CSF1R: variants seen among roughly 807,000 people sequenced by gnomAD.
CSF1R encodes colony stimulating factor 1 receptor, also known as macrophage colony-stimulating factor 1 receptor.
A neutral mutation model predicts 110.0 loss-of-function variants in CSF1R; 40 were observed. The ratio of observed to expected loss-of-function variants is 0.36; its 90% CI spans 0.28 to 0.47. The LOEUF is 0.47. CSF1R is among the 20% of genes least tolerant of loss of function. CSF1R has a pLI of 0.99. For missense variants in CSF1R, 1,052 were observed against 1,253.0 expected, an observed-to-expected ratio of 0.84 and a Z score of 2.42; for synonymous variants, 523 against 503.4, an observed-to-expected ratio of 1.04 and a Z score of -0.52.
At chr5:150,086,972 T>A (rs1758870302), upstream of CSF1R, among the ~76,000 whole-genome samples, 2 of 152,238 alleles carry the variant, frequency 1.3e-5, no homozygotes, top group South Asian at 2.1e-4. Context: ...GCATATCTTT[T>A]AAAAATTTAT....
At chr5:150,084,234 G>A (rs543703207) in intron 1 of CSF1R, among the ~76,000 whole-genome samples, 1 of 151,698 alleles carries the variant, frequency 6.6e-6, no homozygotes, top group Non-Finnish European at 1.5e-5. Context: ...CTACTCAGGA[G>A]TGGCAGAATT....
chr5:150,061,692 G>A (rs1460752308), intron 11 of CSF1R, 31 bp downstream of exon 11: 3 of 1,614,104 alleles, frequency 1.9e-6, no homozygotes, highest in East Asian at 4.5e-5. Flanking sequence ...CCTGTGATAG[G>A]AAGCTGTGGA....
At chr5:150,056,984 G>A (rs533776052) in intron 16 of CSF1R, among the ~76,000 whole-genome samples, 63 of 152,116 alleles carry the variant, frequency 4.1e-4, no homozygotes, top group Non-Finnish European at 7.2e-4. Flanking sequence ...ACCAGACCGC[G>A]TGCTTTATGA....
Position 150,068,321 on chromosome 5 carries a change from G to C in CSF1R, c.1520C>G (p.Thr507Arg), listed in dbSNP as rs538359948. Residue 507 changes from threonine to arginine, a missense_variant, in exon 10 of 21, where the codon ACG becomes AGG. By Grantham distance (71) the Thr-to-Arg change is moderately conservative. Around this residue, in one of 5 missense-constraint regions of CSF1R, gnomAD observed 693 missense variants for 735.4 expected, o/e 0.94. Coordinates refer to ENST00000675795, the MANE Select transcript of CSF1R (RefSeq NM_001288705.3). ...AFIPISAGAH[T>R]HPPDEFLFTP... ...GAAGAGGAACTCATCCGGGGGATGC[G>C]TGTGGGCTCCTGGAAGGCATGAAGC... 6.2e-7 allele frequency: 1 copy of C among 1,612,044 alleles called. No individual in the cohort carries two copies.
chr5:150,084,606 C>T (rs1004692349), intron 1 of CSF1R, among the ~76,000 whole-genome samples: 13 of 151,564 alleles, frequency 8.6e-5, no homozygotes, highest in Non-Finnish European at 1.8e-4. Context: ...GAACCCACCA[C>T]CACACCCGGC....
intron 1 of CSF1R, among the ~76,000 whole-genome samples, chr5:150,101,614 C>A (rs1354460960): frequency 6.6e-6 from 1 of 151,418 alleles, no homozygotes; most frequent in Non-Finnish European, 1.5e-5. Context: ...CAGAGAGTGG[C>A]GGTGCTGGCA....
chr5:150,064,078 C>T (rs1757650916), intron 10 of CSF1R, among the ~76,000 whole-genome samples: 1 of 152,170 alleles, frequency 6.6e-6, no homozygotes, highest in Non-Finnish European at 1.5e-5. Flanking sequence ...CGCATGTTCT[C>T]ACTTATAAGT....
intron 1 of CSF1R, among the ~76,000 whole-genome samples, chr5:150,106,280 G>A (rs565069181): frequency 3.9e-5 from 6 of 152,278 alleles, no homozygotes; most frequent in African/African-American, 1.4e-4. Context: ...ACAGCCCAAG[G>A]ATTAGGAAAC....
chr5:150,101,215 C>T (rs1759393322), intron 1 of CSF1R, among the ~76,000 whole-genome samples: 1 of 152,186 alleles, frequency 6.6e-6, no homozygotes, highest in Non-Finnish European at 1.5e-5. Flanking sequence ...GCATGTTTCT[C>T]CTTGCCTGCG....
chr5:150,095,958 GAAA>G lies in CSF1R; in HGVS notation c.-180-9354_-180-9352del, dbSNP rs555123964. Among the ~76,000 whole-genome samples, 458 of 152,242 alleles carry G rather than the reference GAAA, an allele frequency of 3.0e-3. 4 individuals carry two copies. The highest frequency in any genetic ancestry group is 0.011 in the African/African-American group (441 of 41,554). Reference sequence around the variant, plus strand: ...CAAACTGCTAAAATTCTCTTAAGAAGAAATAGATAACATGAACAGTCCTGTATC... The same window carrying G: ...CAAACTGCTAAAATTCTCTTAAGAAGTAGATAACATGAACAGTCCTGTATC... On this transcript the variant is annotated intron_variant, in intron 1 of 21. Coordinates refer to the CSF1R transcript ENST00000286301.
At chr5:150,099,443 C>T (rs1220724572) in intron 1 of CSF1R, among the ~76,000 whole-genome samples, 1 of 152,108 alleles carries the variant, frequency 6.6e-6, no homozygotes, top group Admixed American at 6.5e-5. Context: ...GTTTTAGTGG[C>T]TTTATTTGTA....
At position 150,086,529 on chromosome 5, in the gene CSF1R, G is replaced by T; in HGVS notation, c.-102C>A. 2.7e-6 allele frequency: 3 copies of T among 1,102,594 alleles called. No individual in the cohort carries two copies. Among genetic ancestry groups the T allele is most frequent in the Non-Finnish European group, 4.1e-6 (3 of 740,732 alleles). The allele number at this position is 1,102,594 out of a possible 1,614,324, so 68.3% of individuals were successfully genotyped here. On this transcript the variant is annotated 5_prime_UTR_variant, in exon 1 of 21. Transcript: ENST00000675795. Reference sequence around the variant, plus strand: ...GCAGGGATCGGGACACTGGACACACGTTCCTCTCCTCTGCACTGGCTGTTT... The same window carrying T: ...GCAGGGATCGGGACACTGGACACACTTTCCTCTCCTCTGCACTGGCTGTTT...
intron 1 of CSF1R, among the ~76,000 whole-genome samples, chr5:150,091,936 T>C (rs144938824): frequency 6.2e-5 from 9 of 145,342 alleles, no homozygotes; most frequent in South Asian, 4.4e-4. Context: ...AAGTTGGATA[T>C]ACATTAAAAA....
At chr5:150,083,024 C>T (rs527539322) in intron 1 of CSF1R, among the ~76,000 whole-genome samples, 3 of 152,212 alleles carry the variant, frequency 2.0e-5, no homozygotes, top group East Asian at 1.9e-4. Context: ...GGTCAGGGAG[C>T]GGTGTCTGCC....
intron 10 of CSF1R, among the ~76,000 whole-genome samples, chr5:150,063,338 G>A (rs2113795610): frequency 6.6e-6 from 1 of 152,106 alleles, no homozygotes; most frequent in African/African-American, 2.4e-5. Context: ...GTTTGACACA[G>A]GTGAGTCGCC....
chr5:150,088,301 G>A (rs184518055), upstream of CSF1R, among the ~76,000 whole-genome samples: 10 of 152,166 alleles, frequency 6.6e-5, no homozygotes, highest in East Asian at 7.7e-4. Context: ...AAAACCTCCC[G>A]ACAAAGCAAA....
chr5:150,103,174 G>A (rs979748800), intron 1 of CSF1R, among the ~76,000 whole-genome samples: 1 of 152,226 alleles, frequency 6.6e-6, no homozygotes, highest in African/African-American at 2.4e-5. Flanking sequence ...TGAGTCGAAG[G>A]CCTAGGTAGC....
rs374397731 is a variant in CSF1R, at chr5:150,104,235, T to C, written c.-181+9026A>G. Among the ~76,000 whole-genome samples, 26 of 152,306 alleles carry C rather than the reference T, an allele frequency of 1.7e-4. No homozygotes were observed. The South Asian group carries it at 3.9e-3, about 23-fold the overall frequency. ...CAGGCTGGCAGAGACCCCTCTCTGG[T>C]GGAACATGTTTAGGTGGAGGAGGGG... is the stretch of plus-strand genomic sequence containing the variant. On this transcript the variant is annotated intron_variant, in intron 1 of 21. Coordinates refer to the CSF1R transcript ENST00000286301.
chr5:150,070,927 A>C (rs1298850813), intron 6 of CSF1R, among the ~76,000 whole-genome samples: 1 of 152,302 alleles, frequency 6.6e-6, no homozygotes, highest in Admixed American at 6.5e-5. Context: ...TGAAGTGCCA[A>C]CCTTGCCAAG....
Sources: gnomAD v4.1 joint callset for allele counts (sites outside exome capture counted in the v4.1 genomes callset) on GRCh38, gnomAD v4.1.1 for gene constraint, gnomAD v4.1.1 regional missense constraint, MANE v1.5 for transcripts, NCBI Gene and HGNC (gene_info 2026-07-23, HGNC 2026-07-21) for gene names.